The following TDRD7 variants were observed in gnomAD, a reference collection of about 807,000 sequenced individuals.
TDRD7 encodes tudor domain-containing protein 7.
TDRD7 carries 47 observed loss-of-function variants against 109.8 expected under a neutral mutation model. The ratio of observed to expected loss-of-function variants is 0.43; its 90% CI spans 0.34 to 0.55. The LOEUF (loss-of-function observed/expected upper bound fraction) is 0.55. Among genes scored for constraint, TDRD7 ranks in the 20% least tolerant of loss-of-function variants. The pLI is 0.03. For missense variants in TDRD7, 1,164 were observed against 1,319.2 expected, an observed-to-expected ratio of 0.88 and a Z score of 1.82; for synonymous variants, 424 against 457.3, an observed-to-expected ratio of 0.93 and a Z score of 0.93.
At chr9:97,413,864 G>A (rs542989562) in intron 1 of TDRD7, among the ~76,000 whole-genome samples, 1 of 152,314 alleles carries the variant, frequency 6.6e-6, no homozygotes, top group East Asian at 1.9e-4. Flanking sequence ...GCCCTTTTAA[G>A]TGTACAGGTT....
At chr9:97,423,598 A>G (rs1040446041) in intron 1 of TDRD7, among the ~76,000 whole-genome samples, 6 of 151,880 alleles carry the variant, frequency 4.0e-5, no homozygotes, top group Admixed American at 3.9e-4. Flanking sequence ...TTTGTTCTCA[A>G]AGTAGGAGAA....
intron 6 of TDRD7, among the ~76,000 whole-genome samples, chr9:97,442,527 C>T (rs1340353984): frequency 6.6e-6 from 1 of 152,102 alleles, no homozygotes; most frequent in Non-Finnish European, 1.5e-5. Context: ...GAAGTAGAGA[C>T]AACTGGATTC....
rs117549869 is a variant in TDRD7, at chr9:97,413,647, G to A, written c.-7+1409G>A. Among the ~76,000 whole-genome samples the A allele has an allele frequency of 3.0e-3, 455 of 152,268 alleles. 2 individuals carry two copies. The highest frequency in any genetic ancestry group is 4.6e-3 in the Non-Finnish European group (312 of 68,022). ...CTGACATTCATTGAGCATCAGTTAC[G>A]TGCAAAGTACTGTTCTGGGTATAGG... On this transcript the variant is annotated intron_variant, in intron 1 of 16. Coordinates refer to ENST00000355295, the MANE Select transcript of TDRD7 (RefSeq NM_014290.3).
chr9:97,451,334 G>A (rs1234019604), intron 6 of TDRD7, among the ~76,000 whole-genome samples: 1 of 152,014 alleles, frequency 6.6e-6, no homozygotes, highest in African/African-American at 2.4e-5. Context: ...CTGTCCCTTA[G>A]GCTGGAGTGC....
At chr9:97,417,353 A>G (rs994041694) in intron 1 of TDRD7, among the ~76,000 whole-genome samples, 1 of 152,152 alleles carries the variant, frequency 6.6e-6, no homozygotes, top group Non-Finnish European at 1.5e-5. Flanking sequence ...ACGTGATATA[A>G]TAGTATATAT....
At chr9:97,442,952 C>T (rs1281993277) in intron 6 of TDRD7, among the ~76,000 whole-genome samples, 4 of 152,168 alleles carry the variant, frequency 2.6e-5, no homozygotes, top group Admixed American at 6.5e-5. Flanking sequence ...TTAGCCACTA[C>T]GCCCAGCTAA....
At chr9:97,433,868 A>G (rs751912511) in intron 4 of TDRD7, among the ~76,000 whole-genome samples, 4 of 152,170 alleles carry the variant, frequency 2.6e-5, no homozygotes, top group Non-Finnish European at 5.9e-5. Context: ...GAAAATAACA[A>G]GTGCTGGTAA....
At chr9:97,475,832 A>C (rs1829009114) in intron 12 of TDRD7, among the ~76,000 whole-genome samples, 1 of 152,220 alleles carries the variant, frequency 6.6e-6, no homozygotes, top group South Asian at 2.1e-4. Flanking sequence ...AGTGTAACTA[A>C]ATGAATAAAT....
At chr9:97,414,544 A>T (rs1275254181) in intron 1 of TDRD7, among the ~76,000 whole-genome samples, 1 of 152,242 alleles carries the variant, frequency 6.6e-6, no homozygotes, top group Non-Finnish European at 1.5e-5. Context: ...TAGCGGAACT[A>T]GGATTAAGAC....
intron 6 of TDRD7, among the ~76,000 whole-genome samples, chr9:97,445,064 C>T (rs187534249): frequency 6.6e-6 from 1 of 152,280 alleles, no homozygotes; most frequent in African/African-American, 2.4e-5. Context: ...CAGAGTTATT[C>T]ACAACAATGA....
chr9:97,483,923 C>T (rs934578349), intron 15 of TDRD7, among the ~76,000 whole-genome samples: 1 of 152,098 alleles, frequency 6.6e-6, no homozygotes, highest in Admixed American at 6.5e-5. Flanking sequence ...TCATGATATA[C>T]AGAATTCCTT....
chr9:97,480,963 A>T, intron 14 of TDRD7, 25 bp downstream of exon 14: 2 of 1,594,368 alleles, frequency 1.3e-6, no homozygotes, highest in Non-Finnish European at 1.7e-6. Flanking sequence ...TGGGCCTGAT[A>T]CATTTAGAAA....
Position 97,464,868 on chromosome 9 carries a change from C to T in TDRD7, c.1469C>T (p.Ala490Val). ...IRYVGKDYSA[A>V]QELMEDEMKE... ...TATGTGGGCAAAGACTATTCTGCTGCTCAGGAATTAATGGAAGATGAGATG... is the reference window on the plus strand; with the variant it reads ...TATGTGGGCAAAGACTATTCTGCTGTTCAGGAATTAATGGAAGATGAGATG... Residue 490 changes from alanine (A) to valine (V), a missense_variant, in exon 8 of 17, where the codon GCT (alanine) becomes GTT (valine). Transcript: ENST00000355295. 3.1e-6 allele frequency: 5 copies of T among 1,614,146 alleles called. No individual in the cohort carries two copies. Among genetic ancestry groups the T allele is most frequent in the African/African-American group, 1.3e-5 (1 of 75,038 alleles).
At chr9:97,424,076 G>A (rs1425181541) in intron 1 of TDRD7, among the ~76,000 whole-genome samples, 2 of 83,518 alleles carry the variant, frequency 2.4e-5, no homozygotes, top group African/African-American at 9.7e-5. Flanking sequence ...TTTTTTTTGA[G>A]ATGGAGTCAC....
At chr9:97,465,493 A>G (rs1828808653) in intron 8 of TDRD7, among the ~76,000 whole-genome samples, 1 of 152,184 alleles carries the variant, frequency 6.6e-6, no homozygotes, top group Admixed American at 6.5e-5. Context: ...TGAAAAGGCC[A>G]GTGGGCCCGT....
At chr9:97,486,715 T>C (rs1829217878) in intron 15 of TDRD7, among the ~76,000 whole-genome samples, 1 of 152,216 alleles carries the variant, frequency 6.6e-6, no homozygotes, top group South Asian at 2.1e-4. Flanking sequence ...TGTGCTTTTC[T>C]TCTCAAGCAT....
chr9:97,479,014 G>A (rs946805194), intron 13 of TDRD7, among the ~76,000 whole-genome samples: 2 of 151,452 alleles, frequency 1.3e-5, no homozygotes, highest in Non-Finnish European at 2.9e-5. Context: ...GATGAACTTC[G>A]GCTGATCCTT....
chr9:97,470,823 G>A (rs1398611772), intron 9 of TDRD7, among the ~76,000 whole-genome samples, 154 bp downstream of exon 9: 1 of 151,922 alleles, frequency 6.6e-6, no homozygotes, highest in Non-Finnish European at 1.5e-5. Context: ...TTCTTTATAA[G>A]ATACCATTAT....
chr9:97,422,789 G>T (rs993501644), intron 1 of TDRD7, among the ~76,000 whole-genome samples: 1 of 151,972 alleles, frequency 6.6e-6, no homozygotes, highest in East Asian at 1.9e-4. Context: ...TGATATGATT[G>T]TGTTGTTTAA....
Sources: gnomAD v4.1 joint callset for allele counts (sites outside exome capture counted in the v4.1 genomes callset) on GRCh38, gnomAD v4.1.1 for gene constraint, MANE v1.5 for transcripts, NCBI Gene and HGNC (gene_info 2026-07-23, HGNC 2026-07-21) for gene names.